The following NLGN1 variants were observed in gnomAD, a reference collection of about 807,000 sequenced individuals.
The protein encoded by NLGN1 is neuroligin-1.
In NLGN1, 12 loss-of-function variants were observed where a neutral mutation model predicts 65.5. The observed-to-expected ratio is 0.18, with a 90% CI of 0.12 to 0.30. NLGN1 has a LOEUF of 0.30. Ranked by LOEUF, NLGN1 falls within the 10% of genes least tolerant of loss-of-function variation. NLGN1 has a pLI of 1.00. For missense variants in NLGN1, 750 were observed against 1,007.1 expected, an observed-to-expected ratio of 0.74 and a Z score of 3.46; for synonymous variants, 350 against 359.5, an observed-to-expected ratio of 0.97 and a Z score of 0.30.
In NLGN1 at chr3:174,186,808, C is replaced by A. The variant is rs897228352; in HGVS notation, c.647-88507C>A. 2.0e-5 allele frequency among the ~76,000 whole-genome samples: 3 copies of A among 151,990 alleles called. No homozygotes were observed. In the East Asian group the frequency reaches 5.8e-4, roughly 29 times the overall value. On this transcript the variant is annotated intron_variant, in intron 4 of 6. Coordinates refer to ENST00000457714, the Ensembl canonical transcript of NLGN1. ...TGCTTTAAAGGAAATTGAGATGAAT[C>A]ATGCATGAACCTGACCTCCAAGAAT...
chr3:173,563,767 T>A (rs1271544207), intron 2 of NLGN1, among the ~76,000 whole-genome samples: 1 of 152,160 alleles, frequency 6.6e-6, no homozygotes, highest in African/African-American at 2.4e-5. Flanking sequence ...CCTCACCGCC[T>A]CTATTACATC....
intron 4 of NLGN1, among the ~76,000 whole-genome samples, chr3:173,897,623 G>A (rs893704511): frequency 1.3e-5 from 2 of 152,146 alleles, no homozygotes; most frequent in African/African-American, 4.8e-5. Flanking sequence ...ATCTCATTAT[G>A]TCTAGGTTAG....
At chr3:173,465,703 G>T (rs1053335267) in intron 2 of NLGN1, among the ~76,000 whole-genome samples, 2 of 152,110 alleles carry the variant, frequency 1.3e-5, no homozygotes, top group Non-Finnish European at 2.9e-5. Flanking sequence ...GTTAAACTTT[G>T]CATAAATCCT....
chr3:174,230,113 A>G (rs979145519), intron 4 of NLGN1, among the ~76,000 whole-genome samples: 1 of 152,168 alleles, frequency 6.6e-6, no homozygotes, highest in Admixed American at 6.5e-5. Flanking sequence ...GAAATGCAAT[A>G]AGACTCTCAC....
intron 2 of NLGN1, among the ~76,000 whole-genome samples, chr3:173,563,954 C>T (rs145329877): frequency 2.9e-4 from 44 of 152,286 alleles, no homozygotes; most frequent in Middle Eastern, 3.4e-3. Flanking sequence ...CAGATTCCTG[C>T]AAGGGGTTCC....
At chr3:174,290,792 C>G (rs903577232), downstream of NLGN1, among the ~76,000 whole-genome samples, 1 of 150,674 alleles carries the variant, frequency 6.6e-6, no homozygotes, top group African/African-American at 2.4e-5. Flanking sequence ...TTCCCTGTTG[C>G]TGATTCTCAC....
At chr3:173,914,345 G>A (rs1201569713) in intron 4 of NLGN1, among the ~76,000 whole-genome samples, 1 of 152,112 alleles carries the variant, frequency 6.6e-6, no homozygotes, top group Non-Finnish European at 1.5e-5. Flanking sequence ...AAGCCAGCAA[G>A]ACTTACAGGC....
At chr3:174,236,518 T>C (rs1245634662) in intron 4 of NLGN1, among the ~76,000 whole-genome samples, 2 of 152,084 alleles carry the variant, frequency 1.3e-5, no homozygotes, top group Admixed American at 1.3e-4. Context: ...ATCCAAAAAA[T>C]GTCCCTCTTT....
At chr3:174,039,585 A>G (rs953218455) in intron 4 of NLGN1, among the ~76,000 whole-genome samples, 1 of 152,136 alleles carries the variant, frequency 6.6e-6, no homozygotes, top group Non-Finnish European at 1.5e-5. Flanking sequence ...TCCTTTGAAG[A>G]TGAAGCATTC....
rs983937243 is a variant in NLGN1 at position 174,111,752 on chromosome 3, T to C, written c.647-163563T>C. ...TAGTTATTAGTATGGTTTTGCCTTA[T>C]GGTCTGAATGGAGAGTTACTGGGTG... On this transcript the variant is annotated intron_variant, in intron 4 of 6. Transcript: ENST00000457714. Among the ~76,000 whole-genome samples, 5 of 151,904 alleles carry C rather than the reference T, an allele frequency of 3.3e-5. No individual in the cohort carries two copies. In the East Asian group the frequency reaches 9.6e-4, roughly 29 times the overall value.
intron 3 of NLGN1, among the ~76,000 whole-genome samples, chr3:173,762,352 T>C (rs1778087411): frequency 1.3e-5 from 2 of 152,086 alleles, no homozygotes; most frequent in South Asian, 4.1e-4. Flanking sequence ...TTGCTAAACT[T>C]GGGATCTGCT....
intron 2 of NLGN1, among the ~76,000 whole-genome samples, chr3:173,560,150 C>T (rs1742462414): frequency 6.6e-6 from 1 of 151,882 alleles, no homozygotes; most frequent in Non-Finnish European, 1.5e-5. Context: ...TCACCGCGGT[C>T]TCGATCTCCT....
intron 3 of NLGN1, among the ~76,000 whole-genome samples, chr3:173,611,916 C>A (rs1752361880): frequency 6.6e-6 from 1 of 151,996 alleles, no homozygotes; most frequent in Admixed American, 6.6e-5. Flanking sequence ...AACTGCTATC[C>A]TTTCTCCTAC....
At chr3:173,909,727 T>C (rs1480953995) in intron 4 of NLGN1, among the ~76,000 whole-genome samples, 1 of 152,182 alleles carries the variant, frequency 6.6e-6, no homozygotes, top group Non-Finnish European at 1.5e-5. Context: ...TTGCCCAGGC[T>C]GGAGTGCAAT....
At chr3:173,707,720 G>C (rs921745158) in intron 3 of NLGN1, among the ~76,000 whole-genome samples, 6 of 152,058 alleles carry the variant, frequency 3.9e-5, no homozygotes, top group Non-Finnish European at 7.4e-5. Flanking sequence ...AAATGGGGTT[G>C]CACTCTCTTT....
intron 4 of NLGN1, among the ~76,000 whole-genome samples, chr3:174,012,060 A>G (rs777958669): frequency 1.3e-5 from 2 of 152,172 alleles, no homozygotes; most frequent in Non-Finnish European, 2.9e-5. Context: ...GGAGCAGTCT[A>G]ATGTAAGCTC....
chr3:174,284,390 T>C (rs1751889394), exon 7 of NLGN1: 1 of 151,452 alleles, frequency 6.6e-6, no homozygotes, highest in Non-Finnish European at 1.5e-5. Context: ...AGCAAATATG[T>C]TTAAAATGTA....
chr3:174,027,093 G>T (rs1435045024), intron 4 of NLGN1, among the ~76,000 whole-genome samples: 4 of 150,076 alleles, frequency 2.7e-5, no homozygotes, highest in African/African-American at 7.3e-5. Context: ...AAAGAAATAT[G>T]AAAAAAAAGC....
intron 3 of NLGN1, among the ~76,000 whole-genome samples, chr3:173,773,044 CAT>C (rs1173802222): frequency 6.6e-6 from 1 of 152,188 alleles, no homozygotes; most frequent in Admixed American, 6.5e-5. Context: ...TCTTTCCAGA[CAT>C]ATTCACTTTT....
Sources: allele counts gnomAD v4.1 joint callset (sites outside exome capture counted in the v4.1 genomes callset), GRCh38; gene constraint gnomAD v4.1.1; transcripts MANE v1.5; gene names NCBI Gene and HGNC (gene_info 2026-07-23, HGNC 2026-07-21).